Variants in SLC2A9 observed in about 807,000 individuals in gnomAD.
SLC2A9 encodes solute carrier family 2, facilitated glucose transporter member 9.
SLC2A9 carries 39 observed loss-of-function variants against 50.6 expected under a neutral mutation model. That is an observed-to-expected ratio of 0.77 (90% CI 0.60 to 1.01). SLC2A9 has a LOEUF of 1.01. Among genes scored for constraint, SLC2A9 ranks in the 50% least tolerant of loss-of-function variants. The probability of loss-of-function intolerance (pLI) is 0.00; values close to 1 mark genes in which losing one functional copy is unlikely to be tolerated. For missense variants in SLC2A9, 686 were observed against 677.6 expected, an observed-to-expected ratio of 1.01 and a Z score of -0.14; for synonymous variants, 324 against 276.9, an observed-to-expected ratio of 1.17 and a Z score of -1.69.
At chr4:9,981,137 G>A (rs1029316782) in intron 4 of SLC2A9, among the ~76,000 whole-genome samples, 7 of 91,088 alleles carry the variant, frequency 7.7e-5, no homozygotes, top group African/African-American at 2.5e-4. Context: ...TAATGATGGC[G>A]ATGGTGACGG....
Position 9,937,615 on chromosome 4 carries a change from G to A in SLC2A9, c.814+4298C>T, listed in dbSNP as rs899632887. On this transcript the variant is annotated intron_variant, in intron 6 of 11. Coordinates refer to ENST00000264784, the MANE Select transcript of SLC2A9 (RefSeq NM_020041.3). ...TCCCTCTGCCCAGCTCCCTCTGCCC[G>A]GTTTAGGAGATGGGGACATCTTTAT... 7.2e-5 allele frequency among the ~76,000 whole-genome samples: 11 copies of A among 152,132 alleles called. No individual in the cohort carries two copies. In the South Asian group the frequency reaches 1.2e-3, roughly 17 times the overall value.
intron 1 of SLC2A9, among the ~76,000 whole-genome samples, chr4:10,027,911 C>A (rs1191794286): frequency 6.6e-6 from 1 of 152,176 alleles, no homozygotes; most frequent in Non-Finnish European, 1.5e-5. Context: ...TATAGTTACC[C>A]TGCTGATCTA....
chr4:9,802,282 T>A (rs73223770), intron 3 of SLC2A9, among the ~76,000 whole-genome samples: 18,082 of 150,808 alleles, frequency 0.12, 1,138 homozygotes, highest in Middle Eastern at 0.16. Flanking sequence ...TTTTTTTTTT[T>A]AAACTAGAGC....
chr4:10,026,125 C>T (rs1252851435), upstream of SLC2A9: 10 of 687,886 alleles, frequency 1.5e-5, no homozygotes, highest in East Asian at 1.9e-4. Flanking sequence ...GGCTGGGATG[C>T]CAGGATAGGA....
At chr4:9,991,375 T>G (rs1757689467) in intron 3 of SLC2A9, among the ~76,000 whole-genome samples, 1 of 152,160 alleles carries the variant, frequency 6.6e-6, no homozygotes, top group East Asian at 1.9e-4. Context: ...TAAACTATGT[T>G]CCTGCCCCCT....
Position 9,965,391 on chromosome 4 carries a change from G to A in SLC2A9, c.681+15201C>T, listed in dbSNP as rs143790062. ...CATGGGAAATTTTTCTGTATTTTAC[G>A]GATTAACCATAATTATTGTGATATA... On this transcript the variant is annotated intron_variant, in intron 5 of 11. Transcript: ENST00000264784. Among the ~76,000 whole-genome samples the A allele has an allele frequency of 9.8e-3, 1,485 of 152,164 alleles. 11 individuals carry two copies. The highest frequency in any genetic ancestry group is 0.015 in the Non-Finnish European group (1,051 of 68,006).
At chr4:9,788,512 T>C (rs1206314423) in intron 3 of SLC2A9, among the ~76,000 whole-genome samples, 1 of 152,072 alleles carries the variant, frequency 6.6e-6, no homozygotes, top group African/African-American at 2.4e-5. Context: ...GTTTTTATAA[T>C]AGGTTATAAT....
downstream of SLC2A9, among the ~76,000 whole-genome samples, chr4:9,777,137 T>C (rs529917281): frequency 2.0e-5 from 3 of 152,278 alleles, no homozygotes; most frequent in East Asian, 1.9e-4. Context: ...CTCTCCTCAA[T>C]AATATAAGCC....
intron 10 of SLC2A9, among the ~76,000 whole-genome samples, chr4:9,885,071 G>C (rs1735933824): frequency 6.6e-6 from 1 of 152,134 alleles, no homozygotes; most frequent in South Asian, 2.1e-4. Flanking sequence ...AATGCAGGCT[G>C]GGCTTAATAC....
chr4:9,831,469 G>A (rs550218905), intron 11 of SLC2A9, among the ~76,000 whole-genome samples: 1 of 152,264 alleles, frequency 6.6e-6, no homozygotes. Context: ...AGTTTAGAGG[G>A]CAGGTGTATA....
downstream of SLC2A9, chr4:9,826,165 G>A (rs1725096057): frequency 1.8e-6 from 1 of 541,590 alleles, no homozygotes; most frequent in East Asian, 3.3e-5. Context: ...GTGATTCCTT[G>A]CAGCTTCCAG....
intron 5 of SLC2A9, among the ~76,000 whole-genome samples, chr4:9,954,124 G>A (rs114557276): frequency 2.0e-5 from 3 of 152,188 alleles, no homozygotes; most frequent in Non-Finnish European, 2.9e-5. Context: ...TTTTTGTAGA[G>A]ATGAGGTTTT....
At chr4:9,845,525 G>A (rs1577497759) in intron 10 of SLC2A9, among the ~76,000 whole-genome samples, 1 of 146,746 alleles carries the variant, frequency 6.8e-6, no homozygotes, top group Non-Finnish European at 1.5e-5. Flanking sequence ...CGCCTCCCGG[G>A]TTCACGCCAT....
At chr4:9,835,887 G>A (rs991950949) in intron 10 of SLC2A9, among the ~76,000 whole-genome samples, 4 of 152,046 alleles carry the variant, frequency 2.6e-5, no homozygotes, top group Admixed American at 6.6e-5. Flanking sequence ...AGGAGTTTGA[G>A]ACCAGCCTGA....
At chr4:9,890,539 C>T (rs1004662821) in intron 9 of SLC2A9, 71 bp downstream of exon 9, 22 of 1,403,478 alleles carry the variant, frequency 1.6e-5, no homozygotes, top group Admixed American at 3.4e-5. Context: ...AAATCAAAGG[C>T]CCCAAAACGA....
chr4:9,921,676 T>A (rs1743982129), intron 6 of SLC2A9, among the ~76,000 whole-genome samples: 2 of 152,270 alleles, frequency 1.3e-5, no homozygotes, highest in African/African-American at 4.8e-5. Context: ...TGCTTCAGAA[T>A]ATCTTTTTTT....
At chr4:10,012,102 A>G (rs1178045484) in intron 2 of SLC2A9, among the ~76,000 whole-genome samples, 2 of 152,260 alleles carry the variant, frequency 1.3e-5, no homozygotes, top group East Asian at 3.8e-4. Flanking sequence ...AGTAGTTGCA[A>G]CAGAGACCAT....
intron 10 of SLC2A9, among the ~76,000 whole-genome samples, chr4:9,869,159 C>T (rs550234967): frequency 2.0e-5 from 3 of 152,296 alleles, no homozygotes; most frequent in South Asian, 2.1e-4. Flanking sequence ...CAGTATAAGT[C>T]GGGATCTGGA....
chr4:10,018,996 C>G lies in SLC2A9; in HGVS notation c.228G>C (p.Ser76=). The change falls in exon 2 of 12, where the codon TCG becomes TCC. Residue 76 remains serine (S), a synonymous_variant. Coordinates refer to ENST00000264784, the MANE Select transcript of SLC2A9 (RefSeq NM_020041.3). ...GSSFLYGYNL[S]VVNAPTPYIK... is the part of the protein sequence containing the mutation. ...TCACCGGGGTGGGGGCATTCACCAC[C>G]GACAGGTTGTAGCCGTAGAGGAAGG... 1 of 1,550,276 alleles carries G rather than the reference C, an allele frequency of 6.5e-7. No homozygotes were observed. The highest frequency in any genetic ancestry group is 8.7e-7 in the Non-Finnish European group (1 of 1,146,932).
Sources: gnomAD v4.1 joint callset for allele counts (sites outside exome capture counted in the v4.1 genomes callset) on GRCh38, gnomAD v4.1.1 for gene constraint, MANE v1.5 for transcripts, NCBI Gene and HGNC (gene_info 2026-07-23, HGNC 2026-07-21) for gene names.